P3H2: variants seen among roughly 807,000 people sequenced by gnomAD.
The protein encoded by P3H2 is prolyl 3-hydroxylase 2.
P3H2 carries 80 observed loss-of-function variants against 87.0 expected under a neutral mutation model. The ratio of observed to expected loss-of-function variants is 0.92; its 90% confidence interval spans 0.77 to 1.11. P3H2 has a LOEUF of 1.11. Ranked by LOEUF, P3H2 falls within the 50% of genes least tolerant of loss-of-function variation. P3H2 has a pLI of 0.00. For synonymous variants in P3H2, 367 were observed against 359.3 expected (o/e 1.02, Z -0.24); for missense variants, 1,001 against 923.9 (o/e 1.08, Z -1.08).
At chr3:190,068,848 CAAG>C (rs146843428) in intron 1 of P3H2, among the ~76,000 whole-genome samples, 23,523 of 151,894 alleles carry the variant, frequency 0.15, 2,605 homozygotes, top group African/African-American at 0.32. Context: ...CTTTTGCACA[CAAG>C]AAATTCAAAC....
intron 1 of P3H2, among the ~76,000 whole-genome samples, chr3:190,087,409 T>A (rs1233327777): frequency 1.3e-5 from 2 of 151,728 alleles, no homozygotes; most frequent in African/African-American, 4.8e-5. Context: ...CTGGGTGTGG[T>A]GGCGGGCGCC....
chr3:190,105,228 T>A (rs889142921), intron 1 of P3H2, among the ~76,000 whole-genome samples: 1 of 152,214 alleles, frequency 6.6e-6, no homozygotes, highest in African/African-American at 2.4e-5. Flanking sequence ...TCCTATTAGA[T>A]CTCAGAATAG....
At chr3:189,985,691 T>C (rs1042237189) in intron 6 of P3H2, among the ~76,000 whole-genome samples, 3 of 151,432 alleles carry the variant, frequency 2.0e-5, no homozygotes, top group Non-Finnish European at 4.4e-5. Flanking sequence ...TAAAACCTTA[T>C]ATCCTTTGAT....
At chr3:190,042,715 T>C (rs377720320) in intron 1 of P3H2, among the ~76,000 whole-genome samples, 2 of 152,334 alleles carry the variant, frequency 1.3e-5, no homozygotes, top group East Asian at 3.9e-4. Context: ...CTATTTTACA[T>C]TGGCATAGTT....
intron 1 of P3H2, among the ~76,000 whole-genome samples, chr3:190,009,828 A>G (rs7619109): frequency 6.6e-6 from 1 of 152,176 alleles, no homozygotes; most frequent in Non-Finnish European, 1.5e-5. Context: ...TTGCCTCTAC[A>G]TGGAGACAGT....
chr3:190,042,034 C>G (rs1377114255), intron 1 of P3H2, among the ~76,000 whole-genome samples: 1 of 152,134 alleles, frequency 6.6e-6, no homozygotes, highest in Non-Finnish European at 1.5e-5. Flanking sequence ...GTGCCTAAAC[C>G]AATGGCTTTT....
At chr3:190,090,717 T>A (rs1334158368) in intron 1 of P3H2, among the ~76,000 whole-genome samples, 1 of 151,102 alleles carries the variant, frequency 6.6e-6, no homozygotes, top group African/African-American at 2.4e-5. Flanking sequence ...AAAAAAAAAA[T>A]TTACCACCTA....
chr3:190,000,328 T>C (rs1724171528), intron 1 of P3H2, among the ~76,000 whole-genome samples: 1 of 152,236 alleles, frequency 6.6e-6, no homozygotes, highest in Admixed American at 6.5e-5. Context: ...TTCACCCATT[T>C]ACTTATTCAG....
In P3H2 at chr3:189,957,848, A is replaced by G. The variant is rs1722685915; in HGVS notation, c.*64T>C. The G allele has an allele frequency of 1.7e-6, 2 of 1,149,858 alleles. No individual in the cohort carries two copies. The highest frequency in any genetic ancestry group is 2.6e-6 in the Non-Finnish European group (2 of 767,068). 71.2% of individuals were successfully genotyped at this position (1,149,858 alleles called of 1,614,324 possible). ...ATTTATACCATGGCTCTGTACAAAAATAAAAAGGTTCTCATAAGATTAACA... is the reference window on the plus strand; with the variant it reads ...ATTTATACCATGGCTCTGTACAAAAGTAAAAAGGTTCTCATAAGATTAACA... On this transcript the variant is annotated 3_prime_UTR_variant, in exon 15 of 15. Coordinates refer to ENST00000319332, the MANE Select transcript of P3H2 (RefSeq NM_018192.4).
At chr3:189,984,825 C>T (rs1194984736) in intron 6 of P3H2, among the ~76,000 whole-genome samples, 1 of 152,080 alleles carries the variant, frequency 6.6e-6, no homozygotes, top group African/African-American at 2.4e-5. Context: ...TTTTCAAATA[C>T]TATGGAATTA....
chr3:190,007,984 A>ATATATATATATATATATC (rs1577269396), intron 1 of P3H2, among the ~76,000 whole-genome samples: 2 of 146,316 alleles, frequency 1.4e-5, no homozygotes, highest in East Asian at 4.0e-4. Context: ...ATATATATAT[A>ATATATATATATATATATC]TAGTAAACTT....
chr3:189,979,006 G>A (rs1723441507), intron 8 of P3H2, among the ~76,000 whole-genome samples: 1 of 152,120 alleles, frequency 6.6e-6, no homozygotes, highest in Non-Finnish European at 1.5e-5. Context: ...GTACTCCCTT[G>A]TACTCACTGT....
At chr3:190,101,846 C>T (rs545630985) in intron 1 of P3H2, among the ~76,000 whole-genome samples, 14 of 152,174 alleles carry the variant, frequency 9.2e-5, no homozygotes, top group African/African-American at 3.1e-4. Flanking sequence ...ATGTTAATGC[C>T]GGATGTTAAA....
chr3:189,974,848 T>C (rs1332619053), intron 8 of P3H2, among the ~76,000 whole-genome samples, 163 bp from the exon 9 acceptor site: 1 of 152,172 alleles, frequency 6.6e-6, no homozygotes, highest in Non-Finnish European at 1.5e-5. Context: ...ATAAACACAA[T>C]ATAGATTCAG....
intron 1 of P3H2, among the ~76,000 whole-genome samples, chr3:190,086,111 G>A (rs1253461452): frequency 1.3e-5 from 2 of 152,082 alleles, no homozygotes; most frequent in Admixed American, 1.3e-4. Context: ...CAAATGTTGA[G>A]GTCATCTACT....
Position 189,957,724 on chromosome 3 carries a change from GAAAACAACCCAAAACA to G in P3H2, c.*172_*187del. On this transcript the variant is annotated 3_prime_UTR_variant, in exon 15 of 15. Transcript: ENST00000319332. Reference sequence around the variant, plus strand: ...GAAGAGAGAGAGAGAGAGAGAGAGAGAAAACAACCCAAAACAAGAAAGATAGATTGATAGATTGAGG... The same window carrying G: ...GAAGAGAGAGAGAGAGAGAGAGAGAGAGAAAGATAGATTGATAGATTGAGG... 1.7e-6 allele frequency: 1 copy of G among 604,380 alleles called. No homozygotes were observed. The highest frequency in any genetic ancestry group is 2.9e-6 in the Non-Finnish European group (1 of 343,572). 37.4% of individuals were successfully genotyped at this position (604,380 alleles called of 1,614,324 possible).
rs1402008311 is a variant in P3H2, at chr3:190,120,427, C to T, written c.305G>A (p.Gly102Asp). Residue 102 changes from glycine (G) to aspartate (D), a missense_variant, in exon 1 of 15, where the codon GGC becomes GAC. Physicochemically the swap from Gly to Asp is moderately conservative, Grantham distance 94. Transcript: ENST00000319332. Reference protein sequence around the residue: ...HPLPPPPPGEGPGAELPLFRS... With the variant: ...HPLPPPPPGEDPGAELPLFRS... The stretch of plus-strand genomic sequence containing the variant: ...GAAAAGGGGCAGCTCAGCGCCGGGG[C>T]CCTCGCCGGGGGGCGGGGGCGGGAG... 1 of 1,464,906 alleles carries T rather than the reference C, an allele frequency of 6.8e-7. No individual in the cohort carries two copies. Among genetic ancestry groups the T allele is most frequent in the Admixed American group, 2.4e-5 (1 of 40,966 alleles). The allele number at this position is 1,464,906 out of a possible 1,614,324, so 90.7% of individuals were successfully genotyped here. A position where few individuals can be genotyped will look rare whatever the true frequency, so the allele number is the denominator to read the frequency against.
intron 1 of P3H2, among the ~76,000 whole-genome samples, chr3:190,019,812 A>G (rs1724884143): frequency 8.0e-6 from 1 of 124,608 alleles, no homozygotes; most frequent in African/African-American, 2.8e-5. Context: ...ATATATATAT[A>G]TATACTCACA....
chr3:189,969,575 C>G (rs1275631643), intron 13 of P3H2: 7 of 1,291,402 alleles, frequency 5.4e-6, no homozygotes, highest in African/African-American at 1.5e-5. Flanking sequence ...CCTCAAGGAG[C>G]CACAAGCTGT....
Sources: gnomAD v4.1 joint callset for allele counts (sites outside exome capture counted in the v4.1 genomes callset) on GRCh38, gnomAD v4.1.1 for gene constraint, MANE v1.5 for transcripts, NCBI Gene and HGNC (gene_info 2026-07-23, HGNC 2026-07-21) for gene names.